The following RBM20 variants were observed in gnomAD, a reference collection of about 807,000 sequenced individuals.
The protein encoded by RBM20 is RNA-binding protein 20.
In RBM20, 51 loss-of-function variants were observed where a neutral mutation model predicts 110.1. The observed-to-expected ratio is 0.46, with a 90% confidence interval of 0.37 to 0.59. The LOEUF (loss-of-function observed/expected upper bound fraction) is 0.59. Among genes scored for constraint, RBM20 ranks in the 20% least tolerant of loss-of-function variants. The pLI is 0.00. For missense variants in RBM20, 1,512 were observed against 1,574.9 expected (o/e 0.96, Z 0.68); for synonymous variants, 589 against 618.2 (o/e 0.95, Z 0.70).
At chr10:110,832,674 T>G (rs1444564594) in intron 13 of RBM20, among the ~76,000 whole-genome samples, 1 of 152,244 alleles carries the variant, frequency 6.6e-6, no homozygotes, top group Admixed American at 6.5e-5. Context: ...CGCCTGATTC[T>G]GAATCACTTT....
At chr10:110,731,777 G>A (rs992505056) in intron 1 of RBM20, among the ~76,000 whole-genome samples, 1 of 152,116 alleles carries the variant, frequency 6.6e-6, no homozygotes, top group Non-Finnish European at 1.5e-5. Context: ...TCAGAGTTTA[G>A]GCTTCTTCAG....
At chr10:110,716,661 C>T (rs895139491) in intron 1 of RBM20, among the ~76,000 whole-genome samples, 1 of 152,006 alleles carries the variant, frequency 6.6e-6, no homozygotes, top group African/African-American at 2.4e-5. Context: ...TGCCTGTAAT[C>T]CCAGCACTTT....
At chr10:110,828,411 C>T (rs10458733) in intron 12 of RBM20, among the ~76,000 whole-genome samples, 151,951 of 152,304 alleles carry the variant, frequency 1, 75,802 homozygotes, top group Middle Eastern at 1. Flanking sequence ...AGGCTTCTCT[C>T]CCCCTAGTGC....
chr10:110,645,853 T>C (rs1471695846), intron 1 of RBM20, among the ~76,000 whole-genome samples: 1 of 152,246 alleles, frequency 6.6e-6, no homozygotes, highest in Non-Finnish European at 1.5e-5. Context: ...ATATTTTATA[T>C]AACTTTCAAC....
At chr10:110,651,937 AT>A (rs1028331348) in intron 1 of RBM20, among the ~76,000 whole-genome samples, 144 of 152,366 alleles carry the variant, frequency 9.5e-4, no homozygotes, top group African/African-American at 3.4e-3. Context: ...AATGATCAAT[AT>A]TTTAACCTTC....
chr10:110,680,187 T>C (rs960209314), intron 1 of RBM20, among the ~76,000 whole-genome samples: 1 of 152,052 alleles, frequency 6.6e-6, no homozygotes, highest in African/African-American at 2.4e-5. Flanking sequence ...ACCACTGGAA[T>C]GTTCTTGGTG....
rs727504930 is a variant in RBM20 at position 110,780,972 on chromosome 10, C to G, written c.363C>G (p.Asn121Lys). The change falls in exon 2 of 14, where the codon AAC becomes AAG. Residue 121 changes from asparagine (N) to lysine (K), a missense_variant. By Grantham distance (94) the Asn-to-Lys change is moderately conservative. This residue lies in a region of RBM20 where 1,149 missense variants were observed against 1,169.4 expected (regional missense o/e 0.98). Coordinates refer to ENST00000369519, the MANE Select transcript of RBM20 (RefSeq NM_001134363.3). The part of the protein sequence containing the change: ...TNNTAAATVL[N>K]QVLSKVAMSQ... ...ACACTGCAGCCGCCACAGTCCTGAA[C>G]CAAGTCCTCTCCAAAGTGGCCATGT... 1.3e-6 allele frequency: 2 copies of G among 1,551,756 alleles called. No homozygotes were observed. Among genetic ancestry groups the G allele is most frequent in the Non-Finnish European group, 8.7e-7 (1 of 1,147,006 alleles).
intron 1 of RBM20, among the ~76,000 whole-genome samples, chr10:110,656,309 G>GA (rs943440630): frequency 1.3e-5 from 2 of 149,000 alleles, no homozygotes; most frequent in African/African-American, 2.5e-5. Context: ...ACTCCATCTC[G>GA]AAAAAAAAAA....
intron 7 of RBM20, among the ~76,000 whole-genome samples, chr10:110,806,597 A>T (rs1178795884): frequency 6.6e-6 from 1 of 152,208 alleles, no homozygotes; most frequent in African/African-American, 2.4e-5. Flanking sequence ...AACATCTGGG[A>T]TTACAATTGA....
chr10:110,708,121 T>A (rs1009879600), intron 1 of RBM20, among the ~76,000 whole-genome samples: 6 of 152,104 alleles, frequency 3.9e-5, no homozygotes, highest in Non-Finnish European at 8.8e-5. Context: ...CACTGGCAGG[T>A]GATCTGTGCT....
At position 110,837,031 on chromosome 10, in the gene RBM20, T is replaced by A. The variant is rs1352518010; in HGVS notation, c.*1053T>A. ...TGATTCAGCCTTGGTGCCTGCACTC[T>A]GGGGTACAACCACCTCACAGTAGGA... On this transcript the variant is annotated 3_prime_UTR_variant, in exon 14 of 14. Transcript: ENST00000369519. 2.6e-5 allele frequency: 4 copies of A among 152,234 alleles called. No homozygotes were observed. The highest frequency in any genetic ancestry group is 4.4e-5 in the Non-Finnish European group (3 of 68,048). 9.4% of individuals were successfully genotyped at this position (152,234 alleles called of 1,614,324 possible). A position where few individuals can be genotyped will look rare whatever the true frequency, so the allele number is the denominator to read the frequency against.
chr10:110,660,198 T>G (rs1847910627), intron 1 of RBM20, among the ~76,000 whole-genome samples: 1 of 151,962 alleles, frequency 6.6e-6, no homozygotes, highest in African/African-American at 2.4e-5. Context: ...ACATTTGCAA[T>G]AATGACAGTT....
intron 1 of RBM20, among the ~76,000 whole-genome samples, chr10:110,758,969 G>A (rs1236751194): frequency 6.6e-6 from 1 of 152,102 alleles, no homozygotes; most frequent in Non-Finnish European, 1.5e-5. Flanking sequence ...CTGTTTTATG[G>A]GCCTCTGGAG....
At chr10:110,767,116 A>ACCC (rs1170862405) in intron 1 of RBM20, among the ~76,000 whole-genome samples, 881 of 62,302 alleles carry the variant, frequency 0.014, 22 homozygotes, top group Admixed American at 0.028. Context: ...GGGGCGGCTG[A>ACCC]CCCCCCCCAC....
intron 13 of RBM20, among the ~76,000 whole-genome samples, chr10:110,832,704 A>G (rs1488910739): frequency 6.6e-6 from 1 of 152,142 alleles, no homozygotes; most frequent in African/African-American, 2.4e-5. Flanking sequence ...ACTCTACTAT[A>G]CTTGTCTTGG....
intron 1 of RBM20, among the ~76,000 whole-genome samples, chr10:110,780,070 G>A (rs1038022604): frequency 4.6e-5 from 7 of 152,130 alleles, no homozygotes; most frequent in African/African-American, 1.2e-4. Flanking sequence ...AGGGTGAGGT[G>A]GGGGGAGCAC....
At chr10:110,782,496 T>G (rs1296585873) in intron 2 of RBM20, among the ~76,000 whole-genome samples, 8 of 152,184 alleles carry the variant, frequency 5.3e-5, no homozygotes, top group Non-Finnish European at 1.0e-4. Context: ...AGTGAAATAT[T>G]TTGAAGCAAT....
chr10:110,692,630 TTG>T (rs137929844), intron 1 of RBM20, among the ~76,000 whole-genome samples: 1 of 151,298 alleles, frequency 6.6e-6, no homozygotes, highest in Non-Finnish European at 1.5e-5. Flanking sequence ...GCTATAACCA[TTG>T]TGTGTGTGTG....
intron 9 of RBM20, among the ~76,000 whole-genome samples, chr10:110,813,689 G>A (rs1844804321): frequency 6.6e-6 from 1 of 152,056 alleles, no homozygotes; most frequent in East Asian, 1.9e-4. Flanking sequence ...ACAAAAATTA[G>A]CCAGGCAAGG....
Sources: gnomAD v4.1 joint callset for allele counts (sites outside exome capture counted in the v4.1 genomes callset) on GRCh38, gnomAD v4.1.1 for gene constraint, gnomAD v4.1.1 regional missense constraint, MANE v1.5 for transcripts, NCBI Gene and HGNC (gene_info 2026-07-23, HGNC 2026-07-21) for gene names.